The following CPLANE1 variants were observed in gnomAD, a reference collection of about 807,000 sequenced individuals.
CPLANE1 encodes the protein ciliogenesis and planar polarity effector complex subunit 1, also known as ciliogenesis and planar polarity effector 1.
CPLANE1 carries 263 observed loss-of-function variants against 362.5 expected under a neutral mutation model. That is an observed-to-expected ratio of 0.73 (90% CI 0.66 to 0.80). CPLANE1 has a LOEUF of 0.80. CPLANE1 is among the 30% of genes least tolerant of loss of function. CPLANE1 has a pLI of 0.00. For missense variants in CPLANE1, 3,461 were observed against 3,793.4 expected, an observed-to-expected ratio of 0.91 and a Z score of 2.30; for synonymous variants, 1,212 against 1,302.6, an observed-to-expected ratio of 0.93 and a Z score of 1.50.
chr5:37,187,633 T>C, intron 22 of CPLANE1, 61 bp from the exon 23 acceptor site: 2 of 1,565,558 alleles, frequency 1.3e-6, no homozygotes, highest in African/African-American at 2.7e-5. Flanking sequence ...CCAGAATGAG[T>C]TCAAAAGAAA....
At chr5:37,139,268 CAT>C (rs1455425766) in intron 45 of CPLANE1, 70 bp downstream of exon 45, 11 of 1,346,504 alleles carry the variant, frequency 8.2e-6, no homozygotes, top group Non-Finnish European at 1.1e-5. Flanking sequence ...AATTCACACA[CAT>C]ATGAACAAAA....
At chr5:37,233,255 G>C in intron 8 of CPLANE1, among the ~76,000 whole-genome samples, 1 of 152,242 alleles carries the variant, frequency 6.6e-6, no homozygotes, top group South Asian at 2.1e-4. Context: ...GGAGGAAGAG[G>C]GGAGACCAGG....
At chr5:37,241,107 G>C (rs979644753) in intron 6 of CPLANE1, among the ~76,000 whole-genome samples, 3 of 151,192 alleles carry the variant, frequency 2.0e-5, no homozygotes, top group African/African-American at 7.3e-5. Flanking sequence ...CTGCACTCCA[G>C]CCTGGGCAAC....
intron 33 of CPLANE1, 139 bp from the exon 34 acceptor site, chr5:37,169,700 C>T (rs907042340): frequency 1.6e-5 from 11 of 703,158 alleles, no homozygotes; most frequent in Admixed American, 3.0e-5. Context: ...ATAAAAAACA[C>T]GATGACTATT....
the CPLANE1 span, among the ~76,000 whole-genome samples, chr5:37,076,243 G>A: frequency 2.6e-5 from 3 of 114,450 alleles, no homozygotes; most frequent in African/African-American, 7.0e-5. Context: ...GACAGAGCAA[G>A]ACCCTGTCTC....
chr5:37,177,637 A>G lies in CPLANE1; in HGVS notation c.5884T>C (p.Ser1962Pro). 2 of 1,613,484 alleles carry G rather than the reference A, an allele frequency of 1.2e-6. No homozygotes were observed. Among genetic ancestry groups the G allele is most frequent in the South Asian group, 2.2e-5 (2 of 91,040 alleles). Reference protein sequence around the residue: ...EPLETIMEEKSTEQKGMIEAF... With the variant: ...EPLETIMEEKPTEQKGMIEAF... Reference sequence around the variant, plus strand: ...CCCCCTTACCCTTTTTGTTCAGTCGATTTTTCCTCCATAATTGTCTCCAGT... The same window carrying G: ...CCCCCTTACCCTTTTTGTTCAGTCGGTTTTTCCTCCATAATTGTCTCCAGT... The change falls in exon 30 of 53, where the codon TCG (serine) becomes CCG (proline). Residue 1962 changes from serine (S) to proline (P), a missense_variant. Around this residue, in one of 2 missense-constraint regions of CPLANE1, gnomAD observed 3,380 missense variants for 3,666.1 expected, o/e 0.92. Coordinates refer to ENST00000651892, the MANE Select transcript of CPLANE1 (RefSeq NM_001384732.1).
Position 37,206,317 on chromosome 5 carries a change from A to C in CPLANE1, c.3029T>G (p.Phe1010Cys). ...WTVEYALELL[F>C]IGGLVPEAVW... ...AGCCTCTGGAACCAGGCCACCAATAAATAGTAATTCAAGTGCATATTCAAC... is the reference window on the plus strand; with the variant it reads ...AGCCTCTGGAACCAGGCCACCAATACATAGTAATTCAAGTGCATATTCAAC... The change falls in exon 17 of 53, where the codon TTT becomes TGT. Residue 1010 changes from phenylalanine to cysteine, a missense_variant. This residue lies in a region of CPLANE1 where 3,380 missense variants were observed against 3,666.1 expected (regional missense o/e 0.92). Transcript: ENST00000651892. The C allele has an allele frequency of 1.9e-6, 3 of 1,551,644 alleles. No individual in the cohort carries two copies. The highest frequency in any genetic ancestry group is 2.6e-6 in the Non-Finnish European group (3 of 1,146,896).
chr5:37,144,397 TAAAAAAAAAAAA>T (rs1176016655), intron 43 of CPLANE1, among the ~76,000 whole-genome samples: 1 of 67,544 alleles, frequency 1.5e-5, no homozygotes. Flanking sequence ...AGACTTTGTC[TAAAAAAAAAAAA>T]AAAAAAAAAA....
chr5:37,191,479 T>G (rs1327720873), intron 21 of CPLANE1, among the ~76,000 whole-genome samples: 1 of 152,140 alleles, frequency 6.6e-6, no homozygotes, highest in Non-Finnish European at 1.5e-5. Context: ...AAGATCAGCC[T>G]GGGCAACGTG....
chr5:37,210,887 C>A, intron 16 of CPLANE1: 3 of 784,996 alleles, frequency 3.8e-6, no homozygotes, highest in Non-Finnish European at 7.1e-6. Context: ...AAGCTCTGCA[C>A]AAACAACTGC....
At chr5:37,220,743 T>C (rs982328641) in intron 15 of CPLANE1, among the ~76,000 whole-genome samples, 3 of 152,176 alleles carry the variant, frequency 2.0e-5, no homozygotes, top group African/African-American at 7.2e-5. Context: ...GATCGTCTCA[T>C]CTCCTGACCT....
chr5:37,146,826 A>T (rs1405218327), intron 43 of CPLANE1, among the ~76,000 whole-genome samples: 5 of 152,180 alleles, frequency 3.3e-5, no homozygotes, highest in South Asian at 2.1e-4. Context: ...ATAAAATTTT[A>T]AAAAATAAAG....
Position 37,176,762 on chromosome 5 carries a change from C to CTT in CPLANE1, c.5901-778_5901-777dup, listed in dbSNP as rs11463353. ...GAAAAAGAAAATCTAATTATGTTGCCTTTTTTTTTTTTTTGAGATGGAGTC... is the reference window on the plus strand; with the variant it reads ...GAAAAAGAAAATCTAATTATGTTGCCTTTTTTTTTTTTTTTTGAGATGGAGTC... On this transcript the variant is annotated intron_variant, in intron 30 of 52. Transcript: ENST00000651892. 6.1e-4 allele frequency among the ~76,000 whole-genome samples: 84 copies of CTT among 137,184 alleles called. 1 individual carries two copies. Among genetic ancestry groups the CTT allele is most frequent in the Admixed American group, 1.3e-3 (18 of 13,594 alleles). The allele number at this position is 137,184 out of a possible 152,430, so 90.0% of individuals were successfully genotyped here. A position where few individuals can be genotyped will look rare whatever the true frequency, so the allele number is the denominator to read the frequency against.
At chr5:37,243,165 T>A in intron 5 of CPLANE1, 46 bp from the exon 6 acceptor site, 2 of 1,079,172 alleles carry the variant, frequency 1.9e-6, no homozygotes, top group Non-Finnish European at 2.7e-6. Context: ...AATCTGAAAA[T>A]AAATCAAGAT....
rs190343635 is a variant in CPLANE1 at position 37,237,081 on chromosome 5, A to T, written c.938+1776T>A. ...AACTACCATTCAATCTAGTAATCCCACTATTGGGTATATACCCAAAGGGAA... is the reference window on the plus strand; with the variant it reads ...AACTACCATTCAATCTAGTAATCCCTCTATTGGGTATATACCCAAAGGGAA... On this transcript the variant is annotated intron_variant, in intron 8 of 52. Transcript: ENST00000651892. 2.0e-4 allele frequency among the ~76,000 whole-genome samples: 31 copies of T among 152,360 alleles called. No individual in the cohort carries two copies. In the East Asian group the frequency reaches 4.2e-3, roughly 21 times the overall value.
At chr5:37,206,488 G>A (rs985931780) in intron 16 of CPLANE1, 63 bp from the exon 17 acceptor site, 7 of 1,052,798 alleles carry the variant, frequency 6.6e-6, no homozygotes, top group Admixed American at 6.2e-5. Context: ...TTCTTTACAT[G>A]GGCATATTTA....
intron 14 of CPLANE1, among the ~76,000 whole-genome samples, chr5:37,222,123 A>G (rs534469815): frequency 1.2e-3 from 185 of 152,240 alleles, no homozygotes; most frequent in African/African-American, 4.3e-3. Flanking sequence ...CCTACCTCTT[A>G]TCCATTCTTT....
At position 37,210,463 on chromosome 5, in the gene CPLANE1, G is replaced by A. The variant is rs1003815587; in HGVS notation, c.2920+3096C>T. On this transcript the variant is annotated intron_variant, in intron 16 of 52. Transcript: ENST00000651892. Reference sequence around the variant, plus strand: ...GACGACTACATCATTAGAACTAATCGACTGATTGAAGATGAAAGGAAGAAT... The same window carrying A: ...GACGACTACATCATTAGAACTAATCAACTGATTGAAGATGAAAGGAAGAAT... 20 of 1,091,134 alleles carry A rather than the reference G, an allele frequency of 1.8e-5. No homozygotes were observed. The Admixed American group carries it at 2.9e-4, about 16-fold the overall frequency. 67.6% of individuals were successfully genotyped at this position (1,091,134 alleles called of 1,614,324 possible).
intron 20 of CPLANE1, among the ~76,000 whole-genome samples, chr5:37,197,051 G>A (rs1038134305): frequency 2.6e-5 from 4 of 151,734 alleles, no homozygotes; most frequent in African/African-American, 4.8e-5. Flanking sequence ...CAAGCTAAAC[G>A]ACACTAAATG....
Sources: allele counts gnomAD v4.1 joint callset (sites outside exome capture counted in the v4.1 genomes callset), GRCh38; gene constraint gnomAD v4.1.1; regional missense constraint gnomAD v4.1.1; transcripts MANE v1.5; gene names NCBI Gene and HGNC (gene_info 2026-07-23, HGNC 2026-07-21).